The following MREG variants were observed in gnomAD, a reference collection of about 807,000 sequenced individuals.
MREG encodes dilute suppressor protein homolog.
MREG carries 31 observed loss-of-function variants against 28.5 expected under a neutral mutation model. The observed-to-expected ratio is 1.09, with a 90% CI of 0.82 to 1.47. The LOEUF (loss-of-function observed/expected upper bound fraction) is 1.47. MREG is among the 40% of genes most tolerant of loss of function. The pLI is 0.00. For missense variants in MREG, 256 were observed against 257.4 expected (o/e 0.99, Z 0.04); for synonymous variants, 106 against 95.2 (o/e 1.11, Z -0.66).
At chr2:216,024,601 T>C (rs186458154) in intron 1 of MREG, among the ~76,000 whole-genome samples, 19 of 152,108 alleles carry the variant, frequency 1.2e-4, no homozygotes, top group Admixed American at 1.2e-3. Context: ...TGGCTGGGTG[T>C]GGTGGCTCAT....
intron 2 of MREG, among the ~76,000 whole-genome samples, chr2:215,949,068 ACTACTACTACTACTACTAC>A (rs1692400668): frequency 7.1e-6 from 1 of 140,604 alleles, no homozygotes; most frequent in Non-Finnish European, 1.5e-5. Flanking sequence ...TACTACTACT[ACTACTACTACTACTACTAC>A]TAATAATAAT....
rs1446483511 is a variant in MREG at position 215,943,397 on chromosome 2, T to C, written c.*1466A>G. The C allele has an allele frequency of 2.2e-6, 1 of 456,688 alleles. No homozygotes were observed. Among genetic ancestry groups the C allele is most frequent in the Non-Finnish European group, 4.4e-6 (1 of 226,956 alleles). 28.3% of individuals were successfully genotyped at this position (456,688 alleles called of 1,614,324 possible). On this transcript the variant is annotated 3_prime_UTR_variant, in exon 5 of 5. Coordinates refer to ENST00000263268, the MANE Select transcript of MREG (RefSeq NM_018000.3). ...AAGAGAAGAAGGTCCAGCAAAGATCTTCAGTGCAATACTCCCTGCATATGT... is the reference window on the plus strand; with the variant it reads ...AAGAGAAGAAGGTCCAGCAAAGATCCTCAGTGCAATACTCCCTGCATATGT...
intron 2 of MREG, among the ~76,000 whole-genome samples, chr2:215,963,215 T>C (rs983976873): frequency 1.3e-5 from 2 of 152,136 alleles, no homozygotes; most frequent in African/African-American, 2.4e-5. Context: ...ATCCCAGCAC[T>C]GTGGAAGGCC....
intron 1 of MREG, among the ~76,000 whole-genome samples, chr2:215,999,465 G>A: frequency 6.6e-6 from 1 of 152,136 alleles, no homozygotes; most frequent in Middle Eastern, 3.2e-3. Context: ...AGATGGGCAG[G>A]GCTTCTCTGG....
chr2:215,994,592 A>G (rs958078734), intron 2 of MREG, among the ~76,000 whole-genome samples: 2 of 140,538 alleles, frequency 1.4e-5, no homozygotes, highest in African/African-American at 2.5e-5. Flanking sequence ...GAGAAGGGGA[A>G]GAAGAAGGAG....
At chr2:215,968,400 A>G (rs1269577546) in intron 2 of MREG, among the ~76,000 whole-genome samples, 1 of 152,190 alleles carries the variant, frequency 6.6e-6, no homozygotes, top group African/African-American at 2.4e-5. Context: ...CAGAACCCCA[A>G]CATAAAATAC....
At chr2:215,964,486 A>G (rs199692650) in intron 2 of MREG, among the ~76,000 whole-genome samples, 3 of 150,360 alleles carry the variant, frequency 2.0e-5, no homozygotes, top group East Asian at 3.9e-4. Flanking sequence ...TGTCTCAAAA[A>G]AAAGAAAGAA....
intron 2 of MREG, among the ~76,000 whole-genome samples, chr2:215,958,795 G>A (rs968537082): frequency 6.6e-5 from 10 of 152,244 alleles, no homozygotes; most frequent in East Asian, 3.9e-4. Context: ...GATCCTCACC[G>A]CCTCTAAAGC....
At chr2:216,016,501 G>A (rs1467593668), upstream of MREG, among the ~76,000 whole-genome samples, 2 of 152,136 alleles carry the variant, frequency 1.3e-5, no homozygotes, top group African/African-American at 2.4e-5. Context: ...AAATATAAGT[G>A]CTGTGCCCCA....
intron 2 of MREG, among the ~76,000 whole-genome samples, chr2:215,992,326 G>T (rs1369866852): frequency 6.6e-6 from 1 of 152,100 alleles, no homozygotes; most frequent in African/African-American, 2.4e-5. Flanking sequence ...AGCAGAAAAG[G>T]TCTTCAATAA....
At chr2:215,979,992 A>T (rs1010086806) in intron 2 of MREG, among the ~76,000 whole-genome samples, 1 of 136,842 alleles carries the variant, frequency 7.3e-6, no homozygotes, top group Non-Finnish European at 1.5e-5. Context: ...AAAAAAAAAC[A>T]AAAAAAACTA....
chr2:215,988,499 GT>G (rs1469889269), intron 2 of MREG, among the ~76,000 whole-genome samples: 1 of 152,018 alleles, frequency 6.6e-6, no homozygotes. Context: ...AGCTACAAGA[GT>G]TTTTTTTCAT....
chr2:215,969,052 C>T (rs1204342162), intron 2 of MREG, among the ~76,000 whole-genome samples: 1 of 152,216 alleles, frequency 6.6e-6, no homozygotes, highest in Non-Finnish European at 1.5e-5. Context: ...AGCCACTGCA[C>T]CTGGCATTGT....
intron 1 of MREG, among the ~76,000 whole-genome samples, chr2:216,005,033 C>A (rs1292167356): frequency 1.3e-5 from 2 of 152,116 alleles, no homozygotes; most frequent in Non-Finnish European, 2.9e-5. Flanking sequence ...ATTTGAGGAA[C>A]CAGGGGAAGC....
At chr2:216,015,648 G>A (rs188493305), upstream of MREG, among the ~76,000 whole-genome samples, 232 of 152,274 alleles carry the variant, frequency 1.5e-3, 1 homozygote, top group African/African-American at 5.3e-3. Flanking sequence ...GATGTATATG[G>A]AGGCCATCCT....
At chr2:215,941,715 G>C (rs1260420239), downstream of MREG, 1 of 152,148 alleles carries the variant, frequency 6.6e-6, no homozygotes, top group African/African-American at 2.4e-5. Context: ...CCTATCTCCT[G>C]ATCACCCATC....
chr2:216,010,821 C>T (rs537326812), intron 1 of MREG, among the ~76,000 whole-genome samples: 3 of 151,762 alleles, frequency 2.0e-5, no homozygotes, highest in East Asian at 2.0e-4. Flanking sequence ...ATCGGCCAGG[C>T]GCAGTGGCTC....
At chr2:215,954,923 G>C (rs1004446081) in intron 2 of MREG, among the ~76,000 whole-genome samples, 1 of 152,072 alleles carries the variant, frequency 6.6e-6, no homozygotes, top group Non-Finnish European at 1.5e-5. Flanking sequence ...GGCTGGTCTC[G>C]AACGCCTGAC....
intron 2 of MREG, among the ~76,000 whole-genome samples, chr2:215,965,574 G>T (rs182632277): frequency 6.6e-6 from 1 of 152,288 alleles, no homozygotes; most frequent in East Asian, 1.9e-4. Context: ...TCATTCTTTA[G>T]CCCAAAAGCT....
Sources: gnomAD v4.1 joint callset for allele counts (sites outside exome capture counted in the v4.1 genomes callset) on GRCh38, gnomAD v4.1.1 for gene constraint, MANE v1.5 for transcripts, NCBI Gene and HGNC (gene_info 2026-07-23, HGNC 2026-07-21) for gene names.